ADAMTSL1: variants seen among roughly 807,000 people sequenced by gnomAD.
ADAMTSL1 encodes ADAMTS-like protein 1.
A neutral mutation model predicts 201.8 loss-of-function variants in ADAMTSL1; 126 were observed. The ratio of observed to expected loss-of-function variants is 0.62; its 90% CI spans 0.54 to 0.72. ADAMTSL1 has a LOEUF of 0.72. Ranked by LOEUF, ADAMTSL1 falls within the 30% of genes least tolerant of loss-of-function variation. The pLI is 0.00. For missense variants in ADAMTSL1, 2,679 were observed against 2,277.8 expected, an observed-to-expected ratio of 1.18 and a Z score of -3.59; for synonymous variants, 1,121 against 903.4, an observed-to-expected ratio of 1.24 and a Z score of -4.32.
chr9:18,077,966 C>G (rs758671703), intron 1 of ADAMTSL1, among the ~76,000 whole-genome samples: 2 of 151,796 alleles, frequency 1.3e-5, no homozygotes, highest in African/African-American at 4.8e-5. Context: ...GGGGTCTCAA[C>G]GAAGAAAGAG....
At chr9:18,179,547 G>T (rs1458866812) in intron 2 of ADAMTSL1, among the ~76,000 whole-genome samples, 1 of 152,134 alleles carries the variant, frequency 6.6e-6, no homozygotes, top group Non-Finnish European at 1.5e-5. Flanking sequence ...TACTCCTCGA[G>T]AAGAGCAACT....
chr9:18,888,922 C>T (rs3780223), intron 24 of ADAMTSL1, among the ~76,000 whole-genome samples: 18,471 of 152,182 alleles, frequency 0.12, 1,416 homozygotes, highest in East Asian at 0.19. Context: ...AGCCAGCTAG[C>T]CTCTGCTGAA....
intron 5 of ADAMTSL1, 164 bp downstream of exon 5, chr9:18,622,533 G>T: frequency 9.6e-7 from 1 of 1,039,868 alleles, no homozygotes; most frequent in Non-Finnish European, 1.4e-6. Flanking sequence ...AGCTTAGGTG[G>T]GACAAGTCAG....
intron 15 of ADAMTSL1, among the ~76,000 whole-genome samples, chr9:18,742,646 C>A (rs941076103): frequency 6.6e-6 from 1 of 152,056 alleles, no homozygotes; most frequent in Non-Finnish European, 1.5e-5. Context: ...TCAGGAAAAG[C>A]TGGAAGCAAA....
chr9:17,957,502 C>T (rs1290834532), intron 1 of ADAMTSL1, among the ~76,000 whole-genome samples: 1 of 152,158 alleles, frequency 6.6e-6, no homozygotes, highest in Non-Finnish European at 1.5e-5. Flanking sequence ...TCTACTGCTT[C>T]AGCTGCTGTT....
At chr9:17,944,382 A>C (rs1374982283) in intron 1 of ADAMTSL1, among the ~76,000 whole-genome samples, 1 of 152,182 alleles carries the variant, frequency 6.6e-6, no homozygotes, top group Non-Finnish European at 1.5e-5. Context: ...GAAAATGGCC[A>C]TACTGCCCAA....
Position 18,826,275 on chromosome 9 carries a change from T to A in ADAMTSL1, c.3935-9T>A, listed in dbSNP as rs764641022. 1.3e-6 allele frequency: 2 copies of A among 1,581,064 alleles called. No individual in the cohort carries two copies. The highest frequency in any genetic ancestry group is 1.7e-6 in the Non-Finnish European group (2 of 1,164,896). On this transcript the variant is annotated splice_polypyrimidine_tract_variant and intron_variant, in intron 21 of 28. Transcript: ENST00000380548. ...AGTGGGGTTTTTTGTTTTTTTTTTT[T>A]CTTCCTAGGAGTGCCTGAAGCTGAA...
chr9:17,983,755 T>G (rs1039048088), intron 1 of ADAMTSL1, among the ~76,000 whole-genome samples: 12 of 152,176 alleles, frequency 7.9e-5, no homozygotes, highest in African/African-American at 2.9e-4. Flanking sequence ...ATTGATTAGT[T>G]TTATTGGGAT....
At chr9:18,817,748 C>T (rs2131188290) in intron 21 of ADAMTSL1, among the ~76,000 whole-genome samples, 1 of 152,264 alleles carries the variant, frequency 6.6e-6, no homozygotes, top group South Asian at 2.1e-4. Flanking sequence ...AAGTAAGACC[C>T]ATCACTGTAG....
chr9:18,040,660 A>G (rs1400527881), intron 1 of ADAMTSL1, among the ~76,000 whole-genome samples: 6 of 152,192 alleles, frequency 3.9e-5, no homozygotes, highest in Non-Finnish European at 8.8e-5. Flanking sequence ...TGTTTAATCT[A>G]TGCAGACAGA....
intron 26 of ADAMTSL1, among the ~76,000 whole-genome samples, chr9:18,904,888 T>TAAAGAG (rs1830216744): frequency 6.6e-6 from 1 of 152,010 alleles, no homozygotes; most frequent in East Asian, 1.9e-4. Flanking sequence ...TCCTGCTCTT[T>TAAAGAG]CAGTGGTTCT....
At chr9:18,466,167 G>A (rs1820997374) in intron 2 of ADAMTSL1, among the ~76,000 whole-genome samples, 1 of 152,112 alleles carries the variant, frequency 6.6e-6, no homozygotes, top group South Asian at 2.1e-4. Flanking sequence ...GCCAGTTTCT[G>A]TGCCAGGAAA....
At chr9:17,937,198 A>G (rs1197493715) in intron 1 of ADAMTSL1, among the ~76,000 whole-genome samples, 1 of 152,168 alleles carries the variant, frequency 6.6e-6, no homozygotes, top group African/African-American at 2.4e-5. Context: ...TGCTGCAGAT[A>G]GTGATGAAGG....
rs1821147797 is a variant in ADAMTSL1 at position 18,777,744 on chromosome 9, C to G, written c.3515C>G (p.Ala1172Gly). ...CCCACCATCCTGCGCAAGATCTCAG[C>G]GGCCCAGCAGCTCTCAGCCTCGGAG... is the stretch of plus-strand genomic sequence containing the variant. ...RKPTILRKIS[A>G]AQQLSASEVV... The change falls in exon 19 of 29, where the codon GCG becomes GGG. Residue 1172 changes from alanine to glycine, a missense_variant. Coordinates refer to ENST00000380548, the MANE Select transcript of ADAMTSL1 (RefSeq NM_001040272.6). 1 of 1,613,618 alleles carries G rather than the reference C, an allele frequency of 6.2e-7. No homozygotes were observed.
At chr9:17,954,367 C>A (rs956242560) in intron 1 of ADAMTSL1, among the ~76,000 whole-genome samples, 2 of 152,242 alleles carry the variant, frequency 1.3e-5, no homozygotes, top group East Asian at 3.9e-4. Context: ...GAAGCCATCT[C>A]AATGGTAGAA....
chr9:18,033,433 T>C (rs987434672), intron 1 of ADAMTSL1, among the ~76,000 whole-genome samples: 10 of 152,234 alleles, frequency 6.6e-5, no homozygotes, highest in African/African-American at 2.4e-4. Flanking sequence ...TTGCTGTAAA[T>C]GTTATTTTAA....
At chr9:18,596,974 C>T (rs962035559) in intron 4 of ADAMTSL1, among the ~76,000 whole-genome samples, 3 of 152,158 alleles carry the variant, frequency 2.0e-5, no homozygotes, top group Admixed American at 6.6e-5. Context: ...CTGTTTCCTT[C>T]TTCTTTCTTT....
At chr9:18,718,372 G>C in intron 14 of ADAMTSL1, 1 of 724,712 alleles carries the variant, frequency 1.4e-6, no homozygotes, top group Non-Finnish European at 2.6e-6. Flanking sequence ...AAGATTGCAA[G>C]CATACACTGC....
At chr9:18,095,657 C>G (rs1824219419) in intron 1 of ADAMTSL1, among the ~76,000 whole-genome samples, 1 of 152,104 alleles carries the variant, frequency 6.6e-6, no homozygotes, top group African/African-American at 2.4e-5. Context: ...CTCCTTACCT[C>G]AGGTGATCCA....
Sources: allele counts gnomAD v4.1 joint callset (sites outside exome capture counted in the v4.1 genomes callset), GRCh38; gene constraint gnomAD v4.1.1; transcripts MANE v1.5; gene names NCBI Gene and HGNC (gene_info 2026-07-23, HGNC 2026-07-21).